The following PDGFD variants were observed in gnomAD, a reference collection of about 807,000 sequenced individuals.
The protein encoded by PDGFD is platelet-derived growth factor D.
In PDGFD, 30 loss-of-function variants were observed where a neutral mutation model predicts 44.7. That is an observed-to-expected ratio of 0.67 (90% CI 0.50 to 0.91). The LOEUF is 0.91. PDGFD is among the 40% of genes least tolerant of loss of function. The probability of loss-of-function intolerance (pLI) is 0.00; values close to 1 mark genes in which losing one functional copy is unlikely to be tolerated. For missense variants in PDGFD, 445 were observed against 457.8 expected (o/e 0.97, Z 0.25); for synonymous variants, 173 against 168.4 (o/e 1.03, Z -0.21).
At chr11:104,143,271 GA>G (rs747452450) in intron 1 of PDGFD, among the ~76,000 whole-genome samples, 8 of 152,126 alleles carry the variant, frequency 5.3e-5, no homozygotes, top group Non-Finnish European at 1.0e-4. Context: ...GCCTGCTTTA[GA>G]AAATCATTGA....
intron 1 of PDGFD, among the ~76,000 whole-genome samples, chr11:104,087,090 A>G (rs1861141290): frequency 7.0e-6 from 1 of 143,236 alleles, no homozygotes; most frequent in African/African-American, 2.5e-5. Flanking sequence ...CAGTGGCGCA[A>G]TCTCAGCTCC....
chr11:103,995,082 T>TG (rs1265356706), intron 3 of PDGFD, among the ~76,000 whole-genome samples: 1 of 152,128 alleles, frequency 6.6e-6, no homozygotes, highest in African/African-American at 2.4e-5. Flanking sequence ...GGTCTTGCTT[T>TG]GTTGCCCAGG....
At chr11:104,013,476 G>A (rs919775197) in intron 1 of PDGFD, among the ~76,000 whole-genome samples, 2 of 152,136 alleles carry the variant, frequency 1.3e-5, no homozygotes, top group African/African-American at 4.8e-5. Context: ...AACCCAGCCT[G>A]GCACCCGCTC....
chr11:103,909,930 A>G (rs1390218257), intron 6 of PDGFD, 111 bp from the exon 7 acceptor site: 10 of 1,328,712 alleles, frequency 7.5e-6, no homozygotes, highest in Non-Finnish European at 1.1e-5. Flanking sequence ...TGAGAACCCA[A>G]CAGAAGCTAT....
intron 1 of PDGFD, among the ~76,000 whole-genome samples, chr11:104,087,736 T>A (rs1394735890): frequency 6.6e-6 from 1 of 152,172 alleles, no homozygotes; most frequent in Non-Finnish European, 1.5e-5. Flanking sequence ...CCCTCAAACA[T>A]GAAGAAACCA....
intron 3 of PDGFD, among the ~76,000 whole-genome samples, chr11:103,961,561 A>T (rs981693546): frequency 6.6e-6 from 1 of 152,166 alleles, no homozygotes. Flanking sequence ...TCATGTGCCC[A>T]AAGTAACAGA....
Position 104,154,401 on chromosome 11 carries a change from G to A in PDGFD, c.124+9403C>T, listed in dbSNP as rs79093314. 3.1e-3 allele frequency among the ~76,000 whole-genome samples: 466 copies of A among 152,240 alleles called. 8 individuals carry two copies. Among genetic ancestry groups the A allele is most frequent in the East Asian group, 9.6e-3 (50 of 5,182 alleles). ...GTAGTTAAGACAAACGATGGGCAGCGTCAAGGCAAAGGAAGAGAATTCTTC... is the reference window on the plus strand; with the variant it reads ...GTAGTTAAGACAAACGATGGGCAGCATCAAGGCAAAGGAAGAGAATTCTTC... On this transcript the variant is annotated intron_variant, in intron 1 of 6. Transcript: ENST00000393158.
chr11:104,036,522 G>C (rs1860236042), intron 1 of PDGFD: 1 of 417,352 alleles, frequency 2.4e-6, no homozygotes, highest in Non-Finnish European at 4.4e-6. Flanking sequence ...AAACCTGACA[G>C]CTTTGAGCCA....
Position 103,981,818 on chromosome 11 carries a change from C to T in PDGFD, c.510+14247G>A, listed in dbSNP as rs577569636. The stretch of plus-strand genomic sequence containing the variant: ...TGACAATTATTAAGAAGCCCTAAGT[C>T]TTTTAAGGCTGCTGCTGCTGTCCAT... On this transcript the variant is annotated intron_variant, in intron 3 of 6. Coordinates refer to ENST00000393158, the MANE Select transcript of PDGFD (RefSeq NM_025208.5). Among the ~76,000 whole-genome samples the T allele has an allele frequency of 1.8e-4, 28 of 151,842 alleles. No homozygotes were observed. The South Asian group carries it at 5.2e-3, about 28-fold the overall frequency.
At chr11:103,941,351 A>G (rs1398882077) in intron 5 of PDGFD, among the ~76,000 whole-genome samples, 2 of 152,108 alleles carry the variant, frequency 1.3e-5, no homozygotes, top group Non-Finnish European at 2.9e-5. Context: ...AGTAGGACAT[A>G]CAAAATGAGG....
At chr11:103,919,891 A>T (rs1264269588) in intron 6 of PDGFD, among the ~76,000 whole-genome samples, 1 of 152,146 alleles carries the variant, frequency 6.6e-6, no homozygotes, top group African/African-American at 2.4e-5. Context: ...GATCTCTTTC[A>T]TGCTTATAGC....
chr11:103,990,612 A>G (rs1008708533), intron 3 of PDGFD, among the ~76,000 whole-genome samples: 5 of 152,162 alleles, frequency 3.3e-5, no homozygotes, highest in African/African-American at 4.8e-5. Flanking sequence ...TCTGGCTTAC[A>G]GTAGGCATTT....
At position 103,984,577 on chromosome 11, in the gene PDGFD, T is replaced by C. The variant is rs115444797; in HGVS notation, c.510+11488A>G. On this transcript the variant is annotated intron_variant, in intron 3 of 6. Transcript: ENST00000393158. Reference sequence around the variant, plus strand: ...GAACATAAAAGTTAAAAAAAAGAAATGTGCCAAAATATTCATAGTAGTTGT... The same window carrying C: ...GAACATAAAAGTTAAAAAAAAGAAACGTGCCAAAATATTCATAGTAGTTGT... 3.0e-3 allele frequency among the ~76,000 whole-genome samples: 451 copies of C among 151,482 alleles called. 13 individuals are homozygous for C. Among genetic ancestry groups the C allele is most frequent in the African/African-American group, 0.011 (440 of 41,032 alleles).
At position 103,988,972 on chromosome 11, in the gene PDGFD, T is replaced by C. The variant is rs139053244; in HGVS notation, c.510+7093A>G. ...TAAATACTTCACATACAATGCCTCA[T>C]ATGTGAAATCCTCAAAGTAATCAAA... On this transcript the variant is annotated intron_variant, in intron 3 of 6. Transcript: ENST00000393158. 2.2e-3 allele frequency among the ~76,000 whole-genome samples: 341 copies of C among 152,290 alleles called. 5 individuals are homozygous for C. The highest frequency in any genetic ancestry group is 7.8e-3 in the African/African-American group (326 of 41,550).
intron 3 of PDGFD, among the ~76,000 whole-genome samples, chr11:103,987,288 T>A (rs1401632184): frequency 6.6e-6 from 1 of 152,168 alleles, no homozygotes; most frequent in Non-Finnish European, 1.5e-5. Context: ...TCCTCCTTCC[T>A]TTCCCACCCC....
intron 1 of PDGFD, among the ~76,000 whole-genome samples, chr11:104,154,467 A>G (rs1004764980): frequency 2.6e-5 from 4 of 152,186 alleles, no homozygotes; most frequent in Non-Finnish European, 5.9e-5. Context: ...AATAAATCAC[A>G]GTGACTTCAC....
At chr11:104,118,611 T>G (rs886677385) in intron 1 of PDGFD, among the ~76,000 whole-genome samples, 2 of 149,846 alleles carry the variant, frequency 1.3e-5, no homozygotes, top group African/African-American at 4.9e-5. Flanking sequence ...TTGCTCTTCA[T>G]TTTAGTAAGC....
At chr11:104,009,933 G>A (rs537336951) in intron 1 of PDGFD, among the ~76,000 whole-genome samples, 100 of 152,206 alleles carry the variant, frequency 6.6e-4, no homozygotes, top group East Asian at 4.6e-3. Flanking sequence ...CTTCACTAAG[G>A]AATTTTTGGT....
rs530861613 is a variant in PDGFD at position 104,119,572 on chromosome 11, TA to T, written c.124+44231del. On this transcript the variant is annotated intron_variant, in intron 1 of 6. Coordinates refer to ENST00000393158, the MANE Select transcript of PDGFD (RefSeq NM_025208.5). ...TATATTGATATAATATATAATATAT[TA>T]ATATAATATATTGATATAATATATA... is the stretch of plus-strand genomic sequence containing the variant. 1.1e-3 allele frequency among the ~76,000 whole-genome samples: 105 copies of T among 93,024 alleles called. 8 individuals are homozygous for T. The highest frequency in any genetic ancestry group is 4.7e-3 in the African/African-American group (104 of 22,214). The allele number at this position is 93,024 out of a possible 152,430, so 61.0% of individuals were successfully genotyped here.
Sources: gnomAD v4.1 joint callset for allele counts (sites outside exome capture counted in the v4.1 genomes callset) on GRCh38, gnomAD v4.1.1 for gene constraint, MANE v1.5 for transcripts, NCBI Gene and HGNC (gene_info 2026-07-23, HGNC 2026-07-21) for gene names.